The following LRMDA variants were observed in gnomAD, a reference collection of about 807,000 sequenced individuals.
LRMDA encodes the protein leucine rich melanocyte differentiation associated, also known as leucine-rich melanocyte differentiation-associated protein.
Under a neutral mutation model 29.8 loss-of-function variants are expected in LRMDA, and 18 were observed. The ratio of observed to expected loss-of-function variants is 0.60; its 90% CI spans 0.42 to 0.90. The LOEUF (loss-of-function observed/expected upper bound fraction) is 0.90. Among genes scored for constraint, LRMDA ranks in the 40% least tolerant of loss-of-function variants. The probability of loss-of-function intolerance (pLI) is 0.00; values close to 1 mark genes in which losing one functional copy is unlikely to be tolerated. For synonymous variants in LRMDA, 125 were observed against 109.4 expected, an observed-to-expected ratio of 1.14 and a Z score of -0.89; for missense variants, 273 against 273.9, an observed-to-expected ratio of 1.00 and a Z score of 0.02.
intron 2 of LRMDA, among the ~76,000 whole-genome samples, chr10:75,854,157 G>T (rs893140489): frequency 6.6e-6 from 1 of 152,194 alleles, no homozygotes; most frequent in African/African-American, 2.4e-5. Context: ...TCATGCGAAT[G>T]AGTGGCTCTA....
intron 5 of LRMDA, among the ~76,000 whole-genome samples, chr10:76,232,978 G>A (rs1485682785): frequency 1.3e-5 from 2 of 152,206 alleles, no homozygotes; most frequent in East Asian, 1.9e-4. Flanking sequence ...GAAAGGGTAG[G>A]TATATGTAAA....
chr10:76,238,946 G>A (rs1852216071), intron 5 of LRMDA, among the ~76,000 whole-genome samples: 1 of 152,046 alleles, frequency 6.6e-6, no homozygotes, highest in African/African-American at 2.4e-5. Flanking sequence ...TATTGATTTT[G>A]TAATAATATT....
chr10:76,320,808 C>T (rs1343282886), intron 5 of LRMDA, among the ~76,000 whole-genome samples: 1 of 152,200 alleles, frequency 6.6e-6, no homozygotes, highest in Non-Finnish European at 1.5e-5. Flanking sequence ...ACACTAGCCC[C>T]AGTCCTACTA....
chr10:75,941,173 C>A lies in LRMDA; in HGVS notation c.132-94835C>A, dbSNP rs372123854. On this transcript the variant is annotated intron_variant, in intron 2 of 6. Coordinates refer to ENST00000611255, the MANE Select transcript of LRMDA (RefSeq NM_001305581.2). ...CTTATAGTTTAAATGGAGCCCTTCA[C>A]GCTGTATTGGAAATGCCGCCGCCTC... is the stretch of plus-strand genomic sequence containing the variant. Among the ~76,000 whole-genome samples, 41 of 152,270 alleles carry A rather than the reference C, an allele frequency of 2.7e-4. No individual in the cohort carries two copies. The East Asian group carries it at 7.5e-3, about 28-fold the overall frequency.
chr10:76,097,136 G>A (rs1372120904), intron 5 of LRMDA, among the ~76,000 whole-genome samples: 1 of 152,024 alleles, frequency 6.6e-6, no homozygotes, highest in Non-Finnish European at 1.5e-5. Context: ...TCAGCCTCCT[G>A]AGTAGCTGAG....
chr10:75,933,237 G>C (rs1846233720), intron 2 of LRMDA, among the ~76,000 whole-genome samples: 1 of 152,108 alleles, frequency 6.6e-6, no homozygotes, highest in Non-Finnish European at 1.5e-5. Flanking sequence ...GGACATCCTA[G>C]GAGGATGCTA....
chr10:75,690,992 TATACACACACACACACACAC>T, intron 2 of LRMDA, among the ~76,000 whole-genome samples: 1 of 94,062 alleles, frequency 1.1e-5, no homozygotes, highest in Non-Finnish European at 2.0e-5. Flanking sequence ...TATATATATA[TATACACACACACACACACAC>T]ACACACACAC....
At position 75,598,287 on chromosome 10, in the gene LRMDA, A is replaced by C. The variant is rs149798968; in HGVS notation, c.131+159793A>C. Among the ~76,000 whole-genome samples the C allele has an allele frequency of 6.4e-3, 976 of 152,278 alleles. 14 individuals carry two copies. Among genetic ancestry groups the C allele is most frequent in the African/African-American group, 0.022 (911 of 41,562 alleles). On this transcript the variant is annotated intron_variant, in intron 2 of 6. Transcript: ENST00000611255. ...TCCAACTTTCGGTAGCATTTTGCAG[A>C]CGCAGCGTGAAAGGAAGCTGTGTGC...
At chr10:75,463,792 C>T (rs772431024) in intron 2 of LRMDA, among the ~76,000 whole-genome samples, 8 of 152,254 alleles carry the variant, frequency 5.3e-5, no homozygotes, top group South Asian at 4.1e-4. Context: ...CTTAGCCTCC[C>T]GAGTAGCTAG....
At chr10:76,448,617 C>G (rs558203303) in intron 6 of LRMDA, among the ~76,000 whole-genome samples, 1 of 152,076 alleles carries the variant, frequency 6.6e-6, no homozygotes, top group South Asian at 2.1e-4. Flanking sequence ...GATATTATTT[C>G]TTAAATTCTA....
At position 75,672,523 on chromosome 10, in the gene LRMDA, T is replaced by TTCCTTTCCTC. The variant is rs1564536230; in HGVS notation, c.131+234033_131+234034insTTCCTCTCCT. 9.8e-5 allele frequency among the ~76,000 whole-genome samples: 2 copies of TTCCTTTCCTC among 20,498 alleles called. 1 individual carries two copies. Among genetic ancestry groups the TTCCTTTCCTC allele is most frequent in the Non-Finnish European group, 2.0e-4 (2 of 10,150 alleles). 13.4% of individuals were successfully genotyped at this position (20,498 alleles called of 152,430 possible). A position where few individuals can be genotyped will look rare whatever the true frequency, so the allele number is the denominator to read the frequency against. The stretch of plus-strand genomic sequence containing the variant: ...CACTTCCTTGTATTTTTCTTTTCTT[T>TTCCTTTCCTC]TCCTCCCCTCCCCTCCCCTCCCCTC... On this transcript the variant is annotated intron_variant, in intron 2 of 6. Transcript: ENST00000611255.
At chr10:76,058,130 G>A (rs993970209) in intron 4 of LRMDA, among the ~76,000 whole-genome samples, 5 of 152,130 alleles carry the variant, frequency 3.3e-5, no homozygotes, top group African/African-American at 1.2e-4. Flanking sequence ...ATGTATTATC[G>A]AGGGATGATG....
intron 2 of LRMDA, among the ~76,000 whole-genome samples, chr10:76,029,553 A>G (rs1269491073): frequency 1.3e-5 from 2 of 152,224 alleles, no homozygotes; most frequent in Non-Finnish European, 2.9e-5. Flanking sequence ...AGAATTTCAT[A>G]TGGGTAATTA....
At chr10:76,085,317 T>G (rs1401792059) in intron 5 of LRMDA, among the ~76,000 whole-genome samples, 1 of 152,136 alleles carries the variant, frequency 6.6e-6, no homozygotes, top group East Asian at 1.9e-4. Flanking sequence ...AGGAAGATAT[T>G]TGGAAAGCAG....
At chr10:75,492,124 C>A (rs181112840) in intron 2 of LRMDA, among the ~76,000 whole-genome samples, 1 of 152,294 alleles carries the variant, frequency 6.6e-6, no homozygotes, top group Non-Finnish European at 1.5e-5. Flanking sequence ...TTCTTACATC[C>A]GTCAGGAGAG....
chr10:76,505,678 G>A (rs528815831), intron 6 of LRMDA, among the ~76,000 whole-genome samples: 6 of 152,146 alleles, frequency 3.9e-5, no homozygotes, highest in East Asian at 1.9e-4. Flanking sequence ...ACTGGATTCC[G>A]TGAATTTCTG....
intron 2 of LRMDA, among the ~76,000 whole-genome samples, chr10:75,785,318 C>T (rs937829212): frequency 6.7e-6 from 1 of 149,102 alleles, no homozygotes; most frequent in African/African-American, 2.5e-5. Flanking sequence ...TTCACCAAAA[C>T]TAATGGTTCT....
intron 5 of LRMDA, among the ~76,000 whole-genome samples, chr10:76,119,942 G>A (rs1051496235): frequency 2.0e-5 from 3 of 152,168 alleles, no homozygotes; most frequent in African/African-American, 7.2e-5. Context: ...GTTCAAGTCT[G>A]AAGGGGAGCC....
chr10:76,346,212 A>C (rs891028072), intron 6 of LRMDA, among the ~76,000 whole-genome samples: 1 of 152,184 alleles, frequency 6.6e-6, no homozygotes, highest in East Asian at 1.9e-4. Context: ...TTGGAGTGGA[A>C]GAGAGTGGAA....
Sources: allele counts gnomAD v4.1 joint callset (sites outside exome capture counted in the v4.1 genomes callset), GRCh38; gene constraint gnomAD v4.1.1; transcripts MANE v1.5; gene names NCBI Gene and HGNC (gene_info 2026-07-23, HGNC 2026-07-21).